Variants in CNTN4 observed in about 807,000 individuals in gnomAD.
CNTN4 encodes the protein contactin 4, also known as contactin-4.
A neutral mutation model predicts 122.5 loss-of-function variants in CNTN4; 77 were observed. That is an observed-to-expected ratio of 0.63 (90% CI 0.52 to 0.76). The LOEUF is 0.76. Ranked by LOEUF, CNTN4 falls within the 30% of genes least tolerant of loss-of-function variation. The probability of loss-of-function intolerance (pLI) is 0.00; values close to 1 mark genes in which losing one functional copy is unlikely to be tolerated. For synonymous variants in CNTN4, 512 were observed against 447.0 expected, an observed-to-expected ratio of 1.15 and a Z score of -1.83; for missense variants, 1,256 against 1,259.1, an observed-to-expected ratio of 1.00 and a Z score of 0.04.
intron 2 of CNTN4, among the ~76,000 whole-genome samples, chr3:2,314,875 GCTT>G (rs1045410355): frequency 7.2e-5 from 11 of 151,888 alleles, no homozygotes; most frequent in African/African-American, 2.7e-4. Flanking sequence ...AATACAGAGA[GCTT>G]CTTAACAGCT....
At chr3:2,668,584 T>C (rs1466785670) in intron 4 of CNTN4, among the ~76,000 whole-genome samples, 2 of 152,160 alleles carry the variant, frequency 1.3e-5, no homozygotes, top group Non-Finnish European at 2.9e-5. Flanking sequence ...TACCCTTTAT[T>C]TCCTTCTCCT....
chr3:2,450,200 C>G (rs2151352011), intron 3 of CNTN4, among the ~76,000 whole-genome samples: 1 of 152,042 alleles, frequency 6.6e-6, no homozygotes, highest in Middle Eastern at 3.4e-3. Context: ...AATCCAATCT[C>G]TACAAAAAAT....
chr3:2,667,253 C>T (rs546581429), intron 4 of CNTN4, among the ~76,000 whole-genome samples: 22 of 152,148 alleles, frequency 1.4e-4, no homozygotes, highest in Admixed American at 9.8e-4. Context: ...CCAGCACCTG[C>T]TGTTTCCTGA....
intron 6 of CNTN4, among the ~76,000 whole-genome samples, chr3:2,796,800 T>C (rs1043265160): frequency 9.9e-5 from 15 of 152,198 alleles, no homozygotes; most frequent in Non-Finnish European, 1.8e-4. Flanking sequence ...ATTTTTAGCT[T>C]CATCCTATTC....
chr3:2,748,154 A>G (rs1188067651), intron 6 of CNTN4, among the ~76,000 whole-genome samples: 1 of 152,188 alleles, frequency 6.6e-6, no homozygotes, highest in Non-Finnish European at 1.5e-5. Context: ...GTATCTCATG[A>G]TGTGAACTTT....
At chr3:2,644,900 T>C (rs2083052635) in intron 4 of CNTN4, among the ~76,000 whole-genome samples, 1 of 150,314 alleles carries the variant, frequency 6.7e-6, no homozygotes, top group African/African-American at 2.5e-5. Flanking sequence ...ATTATTCTGC[T>C]TGTTCCCAAG....
At chr3:2,158,964 A>T (rs1257261439) in intron 2 of CNTN4, among the ~76,000 whole-genome samples, 3 of 152,164 alleles carry the variant, frequency 2.0e-5, no homozygotes, top group Admixed American at 2.0e-4. Context: ...CATACCTGTG[A>T]GCCAGATTTG....
At chr3:2,838,237 C>T (rs550658288) in intron 7 of CNTN4, among the ~76,000 whole-genome samples, 8 of 152,078 alleles carry the variant, frequency 5.3e-5, no homozygotes, top group African/African-American at 1.7e-4. Context: ...GTAAAGAATG[C>T]GAATGAAGGC....
chr3:2,504,130 A>C (rs572575498), intron 3 of CNTN4, among the ~76,000 whole-genome samples: 1 of 152,144 alleles, frequency 6.6e-6, no homozygotes, highest in Non-Finnish European at 1.5e-5. Context: ...CTTAATAGAG[A>C]GTGCATTCTG....
At position 2,442,473 on chromosome 3, in the gene CNTN4, AT is replaced by A. The variant is rs374725809; in HGVS notation, c.-89+103249del. ...GCAAAGCATTCTACTAAATTTTAAG[AT>A]TTTTTTTTAATAGAATCAGAACTGC... On this transcript the variant is annotated intron_variant, in intron 3 of 24. Transcript: ENST00000418658. 4.2e-3 allele frequency among the ~76,000 whole-genome samples: 643 copies of A among 151,714 alleles called. 5 individuals are homozygous for A. Among genetic ancestry groups the A allele is most frequent in the African/African-American group, 0.015 (602 of 41,398 alleles).
intron 6 of CNTN4, among the ~76,000 whole-genome samples, chr3:2,782,243 T>C (rs1298634739): frequency 1.3e-5 from 2 of 151,746 alleles, no homozygotes; most frequent in African/African-American, 4.8e-5. Flanking sequence ...GTCTTTCAGG[T>C]TACGTTTTAA....
At chr3:2,101,391 T>C (rs1225189544) in intron 2 of CNTN4, among the ~76,000 whole-genome samples, 1 of 152,232 alleles carries the variant, frequency 6.6e-6, no homozygotes, top group African/African-American at 2.4e-5. Context: ...GATTTTAACT[T>C]GTTGTTTCTT....
chr3:2,944,655 A>G (rs2094655356), intron 13 of CNTN4, among the ~76,000 whole-genome samples: 1 of 152,238 alleles, frequency 6.6e-6, no homozygotes, highest in Non-Finnish European at 1.5e-5. Flanking sequence ...GCCTTTATTT[A>G]ACAAATATTT....
In CNTN4 at chr3:2,582,903, C is replaced by CAA. The variant is rs10554418; in HGVS notation, c.55+11358_55+11359dup. ...CAATGCTTTAAAAAGAGTTCTGATACAAAAAAAAAAAAAAGCAGTTTAATG... is the reference window on the plus strand; with the variant it reads ...CAATGCTTTAAAAAGAGTTCTGATACAAAAAAAAAAAAAAAAGCAGTTTAATG... On this transcript the variant is annotated intron_variant, in intron 4 of 24. Transcript: ENST00000418658. 3.5e-3 allele frequency among the ~76,000 whole-genome samples: 496 copies of CAA among 140,754 alleles called. 2 individuals carry two copies. Among genetic ancestry groups the CAA allele is most frequent in the African/African-American group, 5.1e-3 (194 of 38,168 alleles). 92.3% of individuals were successfully genotyped at this position (140,754 alleles called of 152,430 possible). A position where few individuals can be genotyped will look rare whatever the true frequency, so the allele number is the denominator to read the frequency against.
rs568053605 is a variant in CNTN4, at chr3:2,546,459, C to T, written c.-88-24957C>T. 4.9e-4 allele frequency among the ~76,000 whole-genome samples: 74 copies of T among 151,890 alleles called. 2 individuals are homozygous for T. In the South Asian group the frequency reaches 0.015, roughly 31 times the overall value. ...TGTTACTTATAAGTGAACACATGGA[C>T]ACAAAGAGGGGAAGAATAGGCACTG... is the stretch of plus-strand genomic sequence containing the variant. On this transcript the variant is annotated intron_variant, in intron 3 of 24. Coordinates refer to ENST00000418658, the MANE Select transcript of CNTN4 (RefSeq NM_175607.3).
At chr3:2,807,202 G>T (rs1212130484) in intron 6 of CNTN4, among the ~76,000 whole-genome samples, 1 of 152,170 alleles carries the variant, frequency 6.6e-6, no homozygotes, top group African/African-American at 2.4e-5. Context: ...CAAGGGGCAT[G>T]AGCAATGGCA....
rs908696909 is a variant in CNTN4 at position 2,385,650 on chromosome 3, T to C, written c.-89+46417T>C. ...AGTTGTTCTGCAGCTTGTGGGAGCA[T>C]AACTCCAAGCTCATCTCTCATCCTC... On this transcript the variant is annotated intron_variant, in intron 3 of 24. Transcript: ENST00000418658. The surrounding 1 kb of genome is among the most constrained non-coding windows in gnomAD (Gnocchi z 4.0). 2.0e-5 allele frequency among the ~76,000 whole-genome samples: 3 copies of C among 152,078 alleles called. No homozygotes were observed. Among genetic ancestry groups the C allele is most frequent in the Non-Finnish European group, 4.4e-5 (3 of 68,030 alleles).
chr3:2,412,180 T>G lies in CNTN4; in HGVS notation c.-89+72947T>G, dbSNP rs558308625. ...GTTCTTTTCATTGCTGTATATTATG[T>G]CATTATATGAATATATCGCAATCTC... On this transcript the variant is annotated intron_variant, in intron 3 of 24. Transcript: ENST00000418658. Among the ~76,000 whole-genome samples, 4 of 152,352 alleles carry G rather than the reference T, an allele frequency of 2.6e-5. No individual in the cohort carries two copies. In the East Asian group the frequency reaches 7.7e-4, roughly 29 times the overall value.
chr3:2,873,678 C>G (rs1476003284), intron 8 of CNTN4, among the ~76,000 whole-genome samples: 4 of 152,340 alleles, frequency 2.6e-5, no homozygotes, highest in African/African-American at 9.6e-5. Flanking sequence ...TCAACAGCCA[C>G]TATTTTTCTT....
Sources: allele counts gnomAD v4.1 joint callset (sites outside exome capture counted in the v4.1 genomes callset), GRCh38; gene constraint gnomAD v4.1.1; non-coding constraint Gnocchi (gnomAD v3.1); transcripts MANE v1.5; gene names NCBI Gene and HGNC (gene_info 2026-07-23, HGNC 2026-07-21).